SNX33: variants seen among roughly 807,000 people sequenced by gnomAD.
SNX33 encodes sorting nexin-33.
SNX33 carries 19 observed loss-of-function variants against 38.8 expected under a neutral mutation model. That is an observed-to-expected ratio of 0.49 (90% CI 0.34 to 0.72). The LOEUF is 0.72. SNX33 is among the 30% of genes least tolerant of loss of function. The probability of loss-of-function intolerance (pLI) is 0.01; values close to 1 mark genes in which losing one functional copy is unlikely to be tolerated. For synonymous variants in SNX33, 246 were observed against 289.7 expected, an observed-to-expected ratio of 0.85 and a Z score of 1.53; for missense variants, 641 against 776.4, an observed-to-expected ratio of 0.83 and a Z score of 2.07.
Position 75,650,681 on chromosome 15 carries a change from T to A in SNX33, c.1471+108T>A, listed in dbSNP as rs1309124464. On this transcript the variant is annotated intron_variant, in intron 1 of 1. Coordinates refer to ENST00000308527, the MANE Select transcript of SNX33 (RefSeq NM_153271.2). This position sits in a 1 kb window ranked among gnomAD's most constrained non-coding sequence, Gnocchi z 6.1. ...ATGGAGCAACTTGTCTTTATTTCTC[T>A]GTCTCAATCATTCATTTAACAAATG... 1 of 1,371,180 alleles carries A rather than the reference T, an allele frequency of 7.3e-7. No individual in the cohort carries two copies. The highest frequency in any genetic ancestry group is 1.5e-5 in the African/African-American group (1 of 68,342). The allele number at this position is 1,371,180 out of a possible 1,614,324, so 84.9% of individuals were successfully genotyped here. A position where few individuals can be genotyped will look rare whatever the true frequency, so the allele number is the denominator to read the frequency against.
In SNX33 at chr15:75,657,045, C is replaced by T; in HGVS notation, c.1555C>T (p.Arg519Cys). 5 of 1,614,152 alleles carry T rather than the reference C, an allele frequency of 3.1e-6. No homozygotes were observed. The highest frequency in any genetic ancestry group is 4.2e-6 in the Non-Finnish European group (5 of 1,180,012). Reference protein sequence around the residue: ...VQDEADGIRRRCRVVGFALQA... With the variant: ...VQDEADGIRRCCRVVGFALQA... ...GGACGAGGCAGACGGCATTCGCAGG[C>T]GCTGCCGCGTGGTGGGTTTCGCCCT... The change falls in exon 2 of 2, where the codon CGC becomes TGC. Residue 519 changes from arginine to cysteine, a missense_variant. Physicochemically the swap from Arg to Cys is radical, Grantham distance 180 (BLOSUM62 -3). Around this residue, in one of 2 missense-constraint regions of SNX33, gnomAD observed 398 missense variants for 542.5 expected, o/e 0.73. Transcript: ENST00000308527. This position sits in a 1 kb window ranked among gnomAD's most constrained non-coding sequence, Gnocchi z 5.5.
Position 75,650,106 on chromosome 15 carries a change from G to A in SNX33, c.1004G>A (p.Cys335Tyr). The A allele has an allele frequency of 6.2e-7, 1 of 1,614,132 alleles. No homozygotes were observed. The highest frequency in any genetic ancestry group is 8.5e-7 in the Non-Finnish European group (1 of 1,180,004). ...GAAGGCTTCCAGCATTTCCTCAGCT[G>A]CCTGGATGACAAGCAGTGGAAGATG... is the stretch of plus-strand genomic sequence containing the variant. ...QYEGFQHFLS[C>Y]LDDKQWKMGK... is the part of the protein sequence containing the mutation. Residue 335 changes from cysteine (C) to tyrosine (Y), a missense_variant, in exon 1 of 2, where the codon TGC becomes TAC. Transcript: ENST00000308527. The surrounding 1 kb of genome is among the most constrained non-coding windows in gnomAD (Gnocchi z 6.1).
In SNX33 at chr15:75,649,714, G is replaced by C; in HGVS notation, c.612G>C (p.Met204Ile). ...VEAFILGDVP[M>I]MAKIAETYSI... ...CCTTCATCCTGGGTGATGTGCCCAT[G>C]ATGGCCAAGATCGCTGAGACATACT... The change falls in exon 1 of 2, where the codon ATG becomes ATC. Residue 204 changes from methionine to isoleucine, a missense_variant. Physicochemically the swap from Met to Ile is conservative, Grantham distance 10 (BLOSUM62 1). This residue lies in a region of SNX33 where 398 missense variants were observed against 542.5 expected (regional missense o/e 0.73). Coordinates refer to ENST00000308527, the MANE Select transcript of SNX33 (RefSeq NM_153271.2). The surrounding 1 kb of genome is among the most constrained non-coding windows in gnomAD (Gnocchi z 6.6). 1.9e-6 allele frequency: 3 copies of C among 1,545,998 alleles called. No individual in the cohort carries two copies. The highest frequency in any genetic ancestry group is 2.6e-6 in the Non-Finnish European group (3 of 1,142,904).
intron 1 of SNX33, among the ~76,000 whole-genome samples, chr15:75,651,448 G>GTCAT (rs1482450171): frequency 3.8e-4 from 58 of 152,218 alleles, no homozygotes; most frequent in African/African-American, 1.3e-3. Context: ...CCTCTGTGGG[G>GTCAT]GAGGGACAGG....
intron 1 of SNX33, among the ~76,000 whole-genome samples, 153 bp from the exon 2 acceptor site, chr15:75,656,809 C>T (rs1232658047): frequency 6.6e-6 from 1 of 152,166 alleles, no homozygotes; most frequent in Non-Finnish European, 1.5e-5. Flanking sequence ...GGGTAACATC[C>T]TGGCAGAGAC....
chr15:75,654,600 CT>C (rs1233341099), intron 1 of SNX33, among the ~76,000 whole-genome samples: 2 of 152,182 alleles, frequency 1.3e-5, no homozygotes, highest in African/African-American at 4.8e-5. Context: ...GGAGGTCCCC[CT>C]GGGTCCTCAG....
Position 75,649,873 on chromosome 15 carries a change from C to T in SNX33, c.771C>T (p.Thr257=). 6.5e-7 allele frequency: 1 copy of T among 1,541,230 alleles called. No individual in the cohort carries two copies. Among genetic ancestry groups the T allele is most frequent in the Non-Finnish European group, 8.7e-7 (1 of 1,146,560 alleles). The change falls in exon 1 of 2, where the codon ACC becomes ACT. Residue 257 remains threonine (T), a synonymous_variant. Transcript: ENST00000308527. This position sits in a 1 kb window ranked among gnomAD's most constrained non-coding sequence, Gnocchi z 6.6. ...ACATCTCCTACAAGCTCACACCCAC[C>T]CATGCTGCCTCACCCGTCTACCGGC... is the stretch of plus-strand genomic sequence containing the variant. ...KSYISYKLTP[T]HAASPVYRRY...
rs1893570683 is a variant in SNX33 at position 75,650,858 on chromosome 15, T to TAAAAAAA, written c.1471+289_1471+290insAAAAAAA. Among the ~76,000 whole-genome samples the TAAAAAAA allele has an allele frequency of 6.6e-6, 1 of 151,540 alleles. No homozygotes were observed. The highest frequency in any genetic ancestry group is 1.9e-4 in the East Asian group (1 of 5,186). On this transcript the variant is annotated intron_variant, in intron 1 of 1. Coordinates refer to ENST00000308527, the MANE Select transcript of SNX33 (RefSeq NM_153271.2). This position sits in a 1 kb window ranked among gnomAD's most constrained non-coding sequence, Gnocchi z 6.1. The stretch of plus-strand genomic sequence containing the variant: ...GGGTGACAGAGTGAGACCCTGTCTC[T>TAAAAAAA]AAAACAAACAAACAAACAAACAAAC...
Position 75,649,331 on chromosome 15 carries a change from T to A in SNX33, c.229T>A (p.Ser77Thr), listed in dbSNP as rs774979843. Residue 77 changes from serine to threonine, a missense_variant, in exon 1 of 2, where the codon TCT (serine) becomes ACT (threonine). Around this residue, in one of 2 missense-constraint regions of SNX33, gnomAD observed 243 missense variants for 233.9 expected, o/e 1.04. Transcript: ENST00000308527. The surrounding 1 kb of genome is among the most constrained non-coding windows in gnomAD (Gnocchi z 6.6). ...HADYSSSPAG[S>T]PGAQVSLYNS... ...TGACTACTCCAGCAGCCCTGCAGGC[T>A]CTCCCGGAGCCCAGGTGAGCTTGTA... 4.4e-6 allele frequency: 7 copies of A among 1,586,240 alleles called. No individual in the cohort carries two copies. The highest frequency in any genetic ancestry group is 1.7e-5 in the Admixed American group (1 of 57,766).
Position 75,649,357 on chromosome 15 carries a change from C to T in SNX33, c.255C>T (p.Tyr85=). ...CTCCCGGAGCCCAGGTGAGCTTGTA[C>T]AACAGCCCCAGTGTGGCCAGCCCAG... The part of the protein sequence containing the change: ...AGSPGAQVSL[Y]NSPSVASPAR... Residue 85 remains tyrosine (Y), a synonymous_variant, in exon 1 of 2, where the codon TAC becomes TAT. Transcript: ENST00000308527. The surrounding 1 kb of genome is among the most constrained non-coding windows in gnomAD (Gnocchi z 6.6). 1.3e-6 allele frequency: 2 copies of T among 1,566,722 alleles called. No individual in the cohort carries two copies. Among genetic ancestry groups the T allele is most frequent in the Non-Finnish European group, 1.7e-6 (2 of 1,153,546 alleles).
chr15:75,656,362 TG>T (rs1485106006), intron 1 of SNX33, among the ~76,000 whole-genome samples: 3 of 151,966 alleles, frequency 2.0e-5, no homozygotes, highest in Non-Finnish European at 2.9e-5. Context: ...TTGACGAACA[TG>T]GGGGTCAGTG....
intron 1 of SNX33, among the ~76,000 whole-genome samples, chr15:75,656,381 C>T (rs921081601): frequency 3.3e-5 from 5 of 152,076 alleles, no homozygotes; most frequent in African/African-American, 1.2e-4. Flanking sequence ...GTGTGGAATG[C>T]GTGCAGGGGC....
rs202002615 is a variant in SNX33, at chr15:75,657,430, G to T, written c.*215G>T. 329 of 779,508 alleles carry T rather than the reference G, an allele frequency of 4.2e-4. 1 individual carries two copies. The African/African-American group carries it at 5.4e-3, about 13-fold the overall frequency. The allele number at this position is 779,508 out of a possible 1,614,324, so 48.3% of individuals were successfully genotyped here. A position where few individuals can be genotyped will look rare whatever the true frequency, so the allele number is the denominator to read the frequency against. On this transcript the variant is annotated 3_prime_UTR_variant, in exon 2 of 2. Coordinates refer to ENST00000308527, the MANE Select transcript of SNX33 (RefSeq NM_153271.2). This position sits in a 1 kb window ranked among gnomAD's most constrained non-coding sequence, Gnocchi z 5.5. ...TAGAAGTGGGGCACAGCAGGGGTGA[G>T]AATAGAGTCAGGAGCCCTCGAGGCC...
Position 75,649,847 on chromosome 15 carries a change from T to C in SNX33, c.745T>C (p.Tyr249His). 6.6e-7 allele frequency: 1 copy of C among 1,525,500 alleles called. No individual in the cohort carries two copies. The highest frequency in any genetic ancestry group is 8.8e-7 in the Non-Finnish European group (1 of 1,137,612). The allele number at this position is 1,525,500 out of a possible 1,614,324, so 94.5% of individuals were successfully genotyped here. A position where few individuals can be genotyped will look rare whatever the true frequency, so the allele number is the denominator to read the frequency against. The change falls in exon 1 of 2, where the codon TAC becomes CAC. Residue 249 changes from tyrosine (Y) to histidine (H), a missense_variant. This residue lies in a region of SNX33 where 398 missense variants were observed against 542.5 expected (regional missense o/e 0.73). Coordinates refer to ENST00000308527, the MANE Select transcript of SNX33 (RefSeq NM_153271.2). This position sits in a 1 kb window ranked among gnomAD's most constrained non-coding sequence, Gnocchi z 6.6. ...KQTKFKGIKS[Y>H]ISYKLTPTHA... ...GACCAAATTCAAGGGCATCAAAAGC[T>C]ACATCTCCTACAAGCTCACACCCAC...
chr15:75,650,650 G>A lies in SNX33; in HGVS notation c.1471+77G>A. The A allele has an allele frequency of 6.8e-7, 1 of 1,473,626 alleles. No individual in the cohort carries two copies. The highest frequency in any genetic ancestry group is 9.0e-7 in the Non-Finnish European group (1 of 1,105,114). 91.3% of individuals were successfully genotyped at this position (1,473,626 alleles called of 1,614,324 possible). A position where few individuals can be genotyped will look rare whatever the true frequency, so the allele number is the denominator to read the frequency against. Reference sequence around the variant, plus strand: ...GCCCTGGGGAGATGGGGATGGCCTGGATAGAATGGAGCAACTTGTCTTTAT... The same window carrying A: ...GCCCTGGGGAGATGGGGATGGCCTGAATAGAATGGAGCAACTTGTCTTTAT... On this transcript the variant is annotated intron_variant, in intron 1 of 1. Transcript: ENST00000308527. This position sits in a 1 kb window ranked among gnomAD's most constrained non-coding sequence, Gnocchi z 6.1.
In SNX33 at chr15:75,662,155, G is replaced by A. The variant is rs554960055; in HGVS notation, c.*4940G>A. ...TAGAACTTTTGGGGATGGCACATTTGAAGACCTTAGGGAGCTTTGCATTTT... is the reference window on the plus strand; with the variant it reads ...TAGAACTTTTGGGGATGGCACATTTAAAGACCTTAGGGAGCTTTGCATTTT... On this transcript the variant is annotated 3_prime_UTR_variant, in exon 2 of 2. Transcript: ENST00000308527. The A allele has an allele frequency of 2.6e-4, 40 of 151,988 alleles. No homozygotes were observed. Among genetic ancestry groups the A allele is most frequent in the African/African-American group, 9.2e-4 (38 of 41,408 alleles). The allele number at this position is 151,988 out of a possible 1,614,324, so 9.4% of individuals were successfully genotyped here. A position where few individuals can be genotyped will look rare whatever the true frequency, so the allele number is the denominator to read the frequency against.
chr15:75,648,205 C>G lies in SNX33; in HGVS notation c.-898C>G, dbSNP rs958005946. On this transcript the variant is annotated 5_prime_UTR_variant, in exon 1 of 2. Transcript: ENST00000308527. The surrounding 1 kb of genome is among the most constrained non-coding windows in gnomAD (Gnocchi z 4.4). ...TGGACGGGGTTCCTGGGATTCAGAGCAGGGTCAGCGTCAGGCTCAGAAACT... is the reference window on the plus strand; with the variant it reads ...TGGACGGGGTTCCTGGGATTCAGAGGAGGGTCAGCGTCAGGCTCAGAAACT... The G allele has an allele frequency of 1.0e-6, 1 of 985,392 alleles. No homozygotes were observed. The highest frequency in any genetic ancestry group is 1.1e-4 in the East Asian group (1 of 8,810). The allele number at this position is 985,392 out of a possible 1,614,324, so 61.0% of individuals were successfully genotyped here. A position where few individuals can be genotyped will look rare whatever the true frequency, so the allele number is the denominator to read the frequency against.
chr15:75,648,471 C>G lies in SNX33; in HGVS notation c.-632C>G. The G allele has an allele frequency of 1.0e-6, 1 of 985,440 alleles. No individual in the cohort carries two copies. Among genetic ancestry groups the G allele is most frequent in the Non-Finnish European group, 1.2e-6 (1 of 829,960 alleles). The allele number at this position is 985,440 out of a possible 1,614,324, so 61.0% of individuals were successfully genotyped here. On this transcript the variant is annotated 5_prime_UTR_variant, in exon 1 of 2. Coordinates refer to ENST00000308527, the MANE Select transcript of SNX33 (RefSeq NM_153271.2). The surrounding 1 kb of genome is among the most constrained non-coding windows in gnomAD (Gnocchi z 4.4). ...TCGTTGTGAAGCCGGACACATCCAC[C>G]CTTGGACTCGATTCAGGCGGCTGCT...
At position 75,657,861 on chromosome 15, in the gene SNX33, A is replaced by G. The variant is rs111488993; in HGVS notation, c.*646A>G. ...CAGGGGAGAGGAACAGCATGGGCAAAGTTATGGAGGCATGCAAACATCTCC... is the reference window on the plus strand; with the variant it reads ...CAGGGGAGAGGAACAGCATGGGCAAGGTTATGGAGGCATGCAAACATCTCC... On this transcript the variant is annotated 3_prime_UTR_variant, in exon 2 of 2. Transcript: ENST00000308527. This position sits in a 1 kb window ranked among gnomAD's most constrained non-coding sequence, Gnocchi z 5.5. The G allele has an allele frequency of 0.031, 4,786 of 154,768 alleles. 91 individuals carry two copies. The highest frequency in any genetic ancestry group is 0.04 in the African/African-American group (1,661 of 41,548). The allele number at this position is 154,768 out of a possible 1,614,324, so 9.6% of individuals were successfully genotyped here.
Sources: gnomAD v4.1 joint callset for allele counts (sites outside exome capture counted in the v4.1 genomes callset) on GRCh38, gnomAD v4.1.1 for gene constraint, gnomAD v4.1.1 regional missense constraint, Gnocchi (gnomAD v3.1) non-coding constraint, MANE v1.5 for transcripts, NCBI Gene and HGNC (gene_info 2026-07-23, HGNC 2026-07-21) for gene names.